Variants in TIMM44 observed in about 807,000 individuals in gnomAD.
TIMM44 encodes translocase of inner mitochondrial membrane 44, also known as mitochondrial import inner membrane translocase subunit TIM44.
Under a neutral mutation model 63.8 loss-of-function variants are expected in TIMM44, and 37 were observed. That is an observed-to-expected ratio of 0.58 (90% CI 0.45 to 0.76). The LOEUF (loss-of-function observed/expected upper bound fraction) is 0.76. Among genes scored for constraint, TIMM44 ranks in the 30% least tolerant of loss-of-function variants. The probability of loss-of-function intolerance (pLI) is 0.00; values close to 1 mark genes in which losing one functional copy is unlikely to be tolerated. For synonymous variants in TIMM44, 239 were observed against 245.1 expected, an observed-to-expected ratio of 0.98 and a Z score of 0.23; for missense variants, 573 against 603.8, an observed-to-expected ratio of 0.95 and a Z score of 0.54.
At chr19:7,942,366 G>T (rs1702529473) in intron 1 of TIMM44, among the ~76,000 whole-genome samples, 1 of 152,048 alleles carries the variant, frequency 6.6e-6, no homozygotes. Context: ...GAGGCGGAAG[G>T]ATCGTTTGAG....
At chr19:7,930,361 T>A (rs771780925) in intron 10 of TIMM44, among the ~76,000 whole-genome samples, 1 of 147,386 alleles carries the variant, frequency 6.8e-6, no homozygotes, top group Non-Finnish European at 1.5e-5. Context: ...CAGGCTGAAG[T>A]GCAGTGGCGC....
rs765826716 is a variant in TIMM44, at chr19:7,934,081, G to A, written c.543+8C>T. On this transcript the variant is annotated splice_region_variant and intron_variant, in intron 5 of 12. Coordinates refer to ENST00000270538, the MANE Select transcript of TIMM44 (RefSeq NM_006351.4). This position sits in a 1 kb window ranked among gnomAD's most constrained non-coding sequence, Gnocchi z 5.3. ...AGGCTGCATGCCCTAGCCCAGGACT[G>A]GGCTCACCTGGGAGAGGGCTCTGAA... The A allele has an allele frequency of 9.9e-6, 16 of 1,613,268 alleles. No homozygotes were observed. The South Asian group carries it at 1.6e-4, about 17-fold the overall frequency.
At chr19:7,941,284 C>A in intron 1 of TIMM44, 87 bp from the exon 2 acceptor site, 1 of 1,038,456 alleles carries the variant, frequency 9.6e-7, no homozygotes, top group Non-Finnish European at 1.5e-6. Flanking sequence ...AGCAGGGTCA[C>A]CTGCAACTCA....
chr19:7,929,726 T>C (rs1029570294), intron 10 of TIMM44, among the ~76,000 whole-genome samples: 2 of 143,124 alleles, frequency 1.4e-5, no homozygotes, highest in Admixed American at 1.4e-4. Flanking sequence ...ACACTGTCCC[T>C]GACCCCCGGC....
chr19:7,938,793 C>T lies in TIMM44; in HGVS notation c.142-596G>A, dbSNP rs545855211. Among the ~76,000 whole-genome samples, 20 of 151,896 alleles carry T rather than the reference C, an allele frequency of 1.3e-4. No homozygotes were observed. In the East Asian group the frequency reaches 1.9e-3, roughly 15 times the overall value. ...CAGCACTCCAGTCTGGGTGACAGAG[C>T]GAGACTCCATCTCAAATAAAATAAA... On this transcript the variant is annotated intron_variant, in intron 2 of 12. Transcript: ENST00000270538.
intron 2 of TIMM44, among the ~76,000 whole-genome samples, chr19:7,940,837 T>C (rs1984287940): frequency 6.6e-6 from 1 of 152,024 alleles, no homozygotes; most frequent in African/African-American, 2.4e-5. Flanking sequence ...CAGGGGTCTC[T>C]TCCAAGCATT....
chr19:7,937,941 C>T (rs2145179602), intron 3 of TIMM44, 86 bp downstream of exon 3: 1 of 1,526,360 alleles, frequency 6.6e-7, no homozygotes, highest in Non-Finnish European at 9.1e-7. Context: ...TCACTTGAAC[C>T]TGGGAGGTGG....
intron 11 of TIMM44, 35 bp from the exon 12 acceptor site, chr19:7,927,802 A>G (rs1462028153): frequency 1.9e-6 from 3 of 1,590,208 alleles, no homozygotes; most frequent in Non-Finnish European, 2.6e-6. Context: ...TGTGCCTCAG[A>G]GGACAGCCCG....
rs1177369288 is a variant in TIMM44, at chr19:7,933,993, G to A, written c.554C>T (p.Ser185Phe). The change falls in exon 6 of 13, where the codon TCC becomes TTC. Residue 185 changes from serine to phenylalanine, a missense_variant. Transcript: ENST00000270538. The surrounding 1 kb of genome is among the most constrained non-coding windows in gnomAD (Gnocchi z 4.3). The stretch of plus-strand genomic sequence containing the variant: ...GCTGTCGTCAATTTCCTTCTTCACG[G>A]ACTCCACCCCCTGCGAGGGAGGCAC... Reference protein sequence around the residue: ...AFRALSQGVESVKKEIDDSVL... With the variant: ...AFRALSQGVEFVKKEIDDSVL... 6.2e-7 allele frequency: 1 copy of A among 1,614,044 alleles called. No individual in the cohort carries two copies. The highest frequency in any genetic ancestry group is 1.7e-5 in the Admixed American group (1 of 60,034).
At chr19:7,932,793 A>T in intron 8 of TIMM44, 42 bp from the exon 9 acceptor site, 1 of 1,613,604 alleles carries the variant, frequency 6.2e-7, no homozygotes, top group South Asian at 1.1e-5. Flanking sequence ...AAGGCCGGGG[A>T]CCCCGCCCCA....
At position 7,938,081 on chromosome 19, in the gene TIMM44, G is replaced by A. The variant is rs753330549; in HGVS notation, c.258C>T (p.Asp86=). 15 of 1,614,078 alleles carry A rather than the reference G, an allele frequency of 9.3e-6. No individual in the cohort carries two copies. The highest frequency in any genetic ancestry group is 1.6e-4 in the Middle Eastern group (1 of 6,062). ...CTGATTCTTCTAGCCTTCTGGCCTC[G>A]TCACGGAATTTTTTTATACTTTCTT... ...EMKESIKKFR[D]EARRLEESDV... is the part of the protein sequence containing the mutation. Residue 86 remains aspartate, a synonymous_variant, in exon 3 of 13, where the codon GAC becomes GAT. Coordinates refer to ENST00000270538, the MANE Select transcript of TIMM44 (RefSeq NM_006351.4).
At position 7,927,282 on chromosome 19, in the gene TIMM44, C is replaced by T. The variant is rs766220039; in HGVS notation, c.1264G>A (p.Val422Met). 1.7e-5 allele frequency: 28 copies of T among 1,611,522 alleles called. No homozygotes were observed. The highest frequency in any genetic ancestry group is 1.7e-4 in the Admixed American group (10 of 60,008). The change falls in exon 13 of 13, where the codon GTG becomes ATG. Residue 422 changes from valine to methionine, a missense_variant. Val to Met is a conservative substitution (Grantham distance 21). Coordinates refer to ENST00000270538, the MANE Select transcript of TIMM44 (RefSeq NM_006351.4). ...TCCTGGTCTCGGCAGAGCGCCCACA[C>T]GTACAGCATCCGCAGCACCTTGTCC... ...DPDKVLRMLY[V>M]WALCRDQDEL...
intron 11 of TIMM44, 82 bp from the exon 12 acceptor site, chr19:7,927,849 C>T (rs1599645290): frequency 7.0e-7 from 1 of 1,425,238 alleles, no homozygotes; most frequent in South Asian, 1.2e-5. Context: ...GCGCCTAGGC[C>T]CTGCTAGGAG....
Position 7,943,172 on chromosome 19 carries a change from C to T in TIMM44, c.45+435G>A, listed in dbSNP as rs1984359019. On this transcript the variant is annotated intron_variant, in intron 1 of 12. Coordinates refer to ENST00000270538, the MANE Select transcript of TIMM44 (RefSeq NM_006351.4). The surrounding 1 kb of genome is among the most constrained non-coding windows in gnomAD (Gnocchi z 4.3). ...CCCAAGAGCCTGCTAGGGCGCGAAC[C>T]ACCTCTCGCACATCCACAATGAACG... is the stretch of plus-strand genomic sequence containing the variant. 6.6e-6 allele frequency among the ~76,000 whole-genome samples: 1 copy of T among 152,114 alleles called. No homozygotes were observed.
intron 3 of TIMM44, chr19:7,937,665 G>A (rs1984194017): frequency 9.3e-6 from 3 of 322,924 alleles, no homozygotes; most frequent in South Asian, 7.9e-5. Context: ...AGCTCCTCTG[G>A]CTGTCCCTGG....
At chr19:7,931,280 G>T in intron 9 of TIMM44, 92 bp from the exon 10 acceptor site, 1 of 1,244,354 alleles carries the variant, frequency 8.0e-7, no homozygotes, top group Non-Finnish European at 1.2e-6. Context: ...GGTGCGGGGT[G>T]GGGAGTTTCC....
At chr19:7,931,403 G>T in intron 9 of TIMM44, 1 of 586,190 alleles carries the variant, frequency 1.7e-6, no homozygotes, top group East Asian at 2.9e-5. Flanking sequence ...AGGCACAGGC[G>T]GAGGGCGGCC....
At position 7,934,477 on chromosome 19, in the gene TIMM44, T is replaced by C. The variant is rs55932674; in HGVS notation, c.394-239A>G. 0.092 allele frequency among the ~76,000 whole-genome samples: 11,762 copies of C among 127,334 alleles called. 665 individuals are homozygous for C. The highest frequency in any genetic ancestry group is 0.17 in the African/African-American group (6,006 of 35,964). 83.5% of individuals were successfully genotyped at this position (127,334 alleles called of 152,430 possible). A position where few individuals can be genotyped will look rare whatever the true frequency, so the allele number is the denominator to read the frequency against. ...GAGCACACCGGCACCCCCAGAGCCATGAGCACACCGGCACCCCCAGAGCCA... is the reference window on the plus strand; with the variant it reads ...GAGCACACCGGCACCCCCAGAGCCACGAGCACACCGGCACCCCCAGAGCCA... On this transcript the variant is annotated intron_variant, in intron 4 of 12. Coordinates refer to ENST00000270538, the MANE Select transcript of TIMM44 (RefSeq NM_006351.4). This position sits in a 1 kb window ranked among gnomAD's most constrained non-coding sequence, Gnocchi z 5.3.
intron 3 of TIMM44, among the ~76,000 whole-genome samples, chr19:7,937,251 A>G (rs1984181599): frequency 6.6e-6 from 1 of 152,202 alleles, no homozygotes; most frequent in Admixed American, 6.5e-5. Flanking sequence ...CCTGGATGAC[A>G]GAGCAAGACT....
Sources: allele counts gnomAD v4.1 joint callset (sites outside exome capture counted in the v4.1 genomes callset), GRCh38; gene constraint gnomAD v4.1.1; non-coding constraint Gnocchi (gnomAD v3.1); transcripts MANE v1.5; gene names NCBI Gene and HGNC (gene_info 2026-07-23, HGNC 2026-07-21).